UNC5C: variants seen among roughly 807,000 people sequenced by gnomAD.
UNC5C encodes the protein netrin receptor UNC5C.
A neutral mutation model predicts 99.8 loss-of-function variants in UNC5C; 47 were observed. The ratio of observed to expected loss-of-function variants is 0.47; its 90% CI spans 0.37 to 0.60. UNC5C has a LOEUF of 0.60. UNC5C is among the 20% of genes least tolerant of loss of function. The pLI is 0.00. For missense variants in UNC5C, 1,062 were observed against 1,165.9 expected (o/e 0.91, Z 1.30); for synonymous variants, 487 against 452.2 (o/e 1.08, Z -0.98).
chr4:95,272,164 T>C (rs1740688107), intron 4 of UNC5C, among the ~76,000 whole-genome samples: 1 of 152,208 alleles, frequency 6.6e-6, no homozygotes, highest in South Asian at 2.1e-4. Flanking sequence ...TCTGAAAATA[T>C]CTCACTCATT....
rs202151191 is a variant in UNC5C at position 95,200,863 on chromosome 4, G to GC, written c.2136+1867dup. The stretch of plus-strand genomic sequence containing the variant: ...GTCACTGTTATGGAGTGATATCTGT[G>GC]CCCCCCCCAAATTCATACGTTGTAA... On this transcript the variant is annotated intron_variant, in intron 12 of 15. Coordinates refer to ENST00000453304, the MANE Select transcript of UNC5C (RefSeq NM_003728.4). 2.8e-3 allele frequency among the ~76,000 whole-genome samples: 418 copies of GC among 151,580 alleles called. 2 individuals carry two copies. Among genetic ancestry groups the GC allele is most frequent in the African/African-American group, 8.0e-3 (329 of 41,286 alleles).
intron 1 of UNC5C, among the ~76,000 whole-genome samples, chr4:95,491,954 A>T (rs34881257): frequency 0.27 from 40,107 of 151,300 alleles, 6,482 homozygotes; most frequent in Non-Finnish European, 0.35. Context: ...GTATGTGTAA[A>T]ACATGGGAAA....
At chr4:95,187,109 A>ATGTT (rs1238311627) in intron 12 of UNC5C, among the ~76,000 whole-genome samples, 1 of 152,226 alleles carries the variant, frequency 6.6e-6, no homozygotes, top group Non-Finnish European at 1.5e-5. Flanking sequence ...TATGTTGATC[A>ATGTT]TGTTTGGTGT....
chr4:95,271,051 A>C (rs1291058052), intron 4 of UNC5C, among the ~76,000 whole-genome samples: 1 of 152,196 alleles, frequency 6.6e-6, no homozygotes, highest in African/African-American at 2.4e-5. Flanking sequence ...TTATTGGAAG[A>C]AATCCCAAAG....
chr4:95,509,085 G>A (rs568692543), intron 1 of UNC5C, among the ~76,000 whole-genome samples: 1 of 151,796 alleles, frequency 6.6e-6, no homozygotes, highest in East Asian at 1.9e-4. Context: ...TAACAAGTAG[G>A]AATTTTGACA....
chr4:95,222,488 TC>T (rs1738508224), intron 7 of UNC5C, among the ~76,000 whole-genome samples: 1 of 152,120 alleles, frequency 6.6e-6, no homozygotes, highest in Admixed American at 6.6e-5. Flanking sequence ...CAAAAACTGG[TC>T]TCGAGTCACT....
intron 14 of UNC5C, among the ~76,000 whole-genome samples, chr4:95,182,365 A>C (rs977539165): frequency 6.6e-6 from 1 of 152,084 alleles, no homozygotes; most frequent in Non-Finnish European, 1.5e-5. Flanking sequence ...AGAATGATAG[A>C]GAGAAAGGAG....
intron 1 of UNC5C, among the ~76,000 whole-genome samples, chr4:95,412,880 G>C (rs749231495): frequency 2.0e-5 from 3 of 152,138 alleles, no homozygotes; most frequent in African/African-American, 7.2e-5. Context: ...GGCATGGACA[G>C]GAACAGTAGA....
At chr4:95,306,635 C>T (rs1742072628) in intron 2 of UNC5C, among the ~76,000 whole-genome samples, 1 of 152,144 alleles carries the variant, frequency 6.6e-6, no homozygotes, top group Admixed American at 6.5e-5. Context: ...CAAAAGTATC[C>T]TAACTCAACT....
chr4:95,482,544 A>C, intron 1 of UNC5C, among the ~76,000 whole-genome samples: 5 of 149,428 alleles, frequency 3.3e-5, no homozygotes, highest in African/African-American at 1.2e-4. Context: ...ATGCTGCTAT[A>C]AAGACACATG....
intron 10 of UNC5C, among the ~76,000 whole-genome samples, chr4:95,213,307 A>G (rs1165999687): frequency 6.6e-6 from 1 of 152,200 alleles, no homozygotes; most frequent in Non-Finnish European, 1.5e-5. Flanking sequence ...ATTTGTGCAA[A>G]CTGCTACTAG....
intron 1 of UNC5C, among the ~76,000 whole-genome samples, chr4:95,387,727 T>C (rs1195321000): frequency 1.3e-5 from 2 of 152,204 alleles, no homozygotes; most frequent in Non-Finnish European, 2.9e-5. Flanking sequence ...TTGCCTGTAA[T>C]AATACATCTT....
chr4:95,544,832 T>C (rs1428083001), intron 1 of UNC5C, among the ~76,000 whole-genome samples: 1 of 152,218 alleles, frequency 6.6e-6, no homozygotes, highest in African/African-American at 2.4e-5. Flanking sequence ...CCCCACAATT[T>C]TCCCCATTAT....
intron 7 of UNC5C, among the ~76,000 whole-genome samples, chr4:95,230,800 A>T (rs969299502): frequency 2.0e-5 from 3 of 151,762 alleles, no homozygotes; most frequent in African/African-American, 7.3e-5. Context: ...CTGCCTTCAC[A>T]CATTGGCTCC....
rs1351029314 is a variant in UNC5C, at chr4:95,169,090, T to G, written c.*144A>C. The G allele has an allele frequency of 1.0e-6, 1 of 983,064 alleles. No homozygotes were observed. Among genetic ancestry groups the G allele is most frequent in the Non-Finnish European group, 1.5e-6 (1 of 659,992 alleles). 60.9% of individuals were successfully genotyped at this position (983,064 alleles called of 1,614,324 possible). A position where few individuals can be genotyped will look rare whatever the true frequency, so the allele number is the denominator to read the frequency against. ...GTGGGCATGTACATGGGCAGTTGTA[T>G]CTGTTTTCCTTCTGGCTCCTGCTGC... On this transcript the variant is annotated 3_prime_UTR_variant, in exon 16 of 16. Transcript: ENST00000453304.
intron 3 of UNC5C, among the ~76,000 whole-genome samples, chr4:95,300,645 A>T (rs1217604251): frequency 6.6e-6 from 1 of 152,248 alleles, no homozygotes; most frequent in African/African-American, 2.4e-5. Context: ...AATTCCTACT[A>T]GATTTTTTAC....
At chr4:95,170,387 T>A in intron 14 of UNC5C, 55 bp from the exon 15 acceptor site, 1 of 1,573,396 alleles carries the variant, frequency 6.4e-7, no homozygotes, top group Non-Finnish European at 8.7e-7. Context: ...AAAAGCAATC[T>A]CTATTGAACC....
chr4:95,532,796 T>C (rs1342378539), intron 1 of UNC5C, among the ~76,000 whole-genome samples: 1 of 151,898 alleles, frequency 6.6e-6, no homozygotes, highest in Non-Finnish European at 1.5e-5. Context: ...GGAGGGTTCA[T>C]GGTCCGGGAG....
At chr4:95,500,317 C>A (rs1333626490) in intron 1 of UNC5C, among the ~76,000 whole-genome samples, 4 of 152,018 alleles carry the variant, frequency 2.6e-5, no homozygotes, top group Non-Finnish European at 4.4e-5. Flanking sequence ...TGGTTTCTTG[C>A]CAGACAATAA....
Sources: allele counts gnomAD v4.1 joint callset (sites outside exome capture counted in the v4.1 genomes callset), GRCh38; gene constraint gnomAD v4.1.1; transcripts MANE v1.5; gene names NCBI Gene and HGNC (gene_info 2026-07-23, HGNC 2026-07-21).